The following ADAMTS12 variants were observed in gnomAD, a reference collection of about 807,000 sequenced individuals.
The protein encoded by ADAMTS12 is A disintegrin and metalloproteinase with thrombospondin motifs 12.
In ADAMTS12, 118 loss-of-function variants were observed where a neutral mutation model predicts 167.8. The ratio of observed to expected loss-of-function variants is 0.70; its 90% CI spans 0.61 to 0.82. The LOEUF is 0.82. ADAMTS12 is among the 40% of genes least tolerant of loss of function. ADAMTS12 has a pLI of 0.00. For synonymous variants in ADAMTS12, 704 were observed against 716.9 expected (o/e 0.98, Z 0.29); for missense variants, 1,916 against 1,998.8 (o/e 0.96, Z 0.79).
chr5:33,573,549 A>G (rs1205228630), intron 19 of ADAMTS12, among the ~76,000 whole-genome samples: 1 of 152,236 alleles, frequency 6.6e-6, no homozygotes, highest in Non-Finnish European at 1.5e-5. Flanking sequence ...CCATATGTAG[A>G]AAGCTGAAAC....
At chr5:33,644,273 C>T (rs1408757465) in intron 9 of ADAMTS12, among the ~76,000 whole-genome samples, 2 of 152,170 alleles carry the variant, frequency 1.3e-5, no homozygotes, top group African/African-American at 4.8e-5. Flanking sequence ...TTATTCTGTA[C>T]TTTGTGTTTC....
At position 33,549,348 on chromosome 5, in the gene ADAMTS12, G is replaced by A; in HGVS notation, c.4161C>T (p.Arg1387=). 9.9e-6 allele frequency: 16 copies of A among 1,614,066 alleles called. No individual in the cohort carries two copies. The highest frequency in any genetic ancestry group is 4.5e-5 in the East Asian group (2 of 44,866). ...CCCGGCTGTCCACGCACTGAATCTC[G>A]CGTATCTTGAAGCCCCCACTGCAGT... ...SRNCSGGFKI[R]EIQCVDSRDH... The change falls in exon 21 of 24, where the codon CGC becomes CGT. Residue 1387 remains arginine, a synonymous_variant. Transcript: ENST00000504830.
At chr5:33,807,902 T>C (rs1747302925) in intron 2 of ADAMTS12, among the ~76,000 whole-genome samples, 1 of 152,150 alleles carries the variant, frequency 6.6e-6, no homozygotes, top group Non-Finnish European at 1.5e-5. Context: ...AGCTAGTAAG[T>C]GTGGGCCTCT....
At chr5:33,876,632 A>C (rs900521412) in intron 2 of ADAMTS12, among the ~76,000 whole-genome samples, 1 of 152,186 alleles carries the variant, frequency 6.6e-6, no homozygotes, top group Non-Finnish European at 1.5e-5. Context: ...GAGAACCTCT[A>C]AGTCTCATAC....
chr5:33,712,629 G>C (rs1273446435), intron 3 of ADAMTS12, among the ~76,000 whole-genome samples: 1 of 144,070 alleles, frequency 6.9e-6, no homozygotes, highest in Non-Finnish European at 1.5e-5. Context: ...CAAGGTAAAA[G>C]ATAGAGACAA....
chr5:33,887,214 T>A (rs13358296), intron 1 of ADAMTS12, among the ~76,000 whole-genome samples: 17,354 of 152,200 alleles, frequency 0.11, 1,949 homozygotes, highest in African/African-American at 0.28. Context: ...GGTCAAGTAC[T>A]ACATTAAGAG....
chr5:33,560,330 C>G (rs146305191), intron 20 of ADAMTS12, among the ~76,000 whole-genome samples: 5,129 of 152,216 alleles, frequency 0.034, 150 homozygotes, highest in East Asian at 0.08. Flanking sequence ...GGTGGGACTG[C>G]AAACTAGTTC....
chr5:33,729,274 A>AT (rs1744091865), intron 3 of ADAMTS12, among the ~76,000 whole-genome samples: 1 of 152,250 alleles, frequency 6.6e-6, no homozygotes, highest in African/African-American at 2.4e-5. Context: ...AACATAAAGG[A>AT]TAAGCTTTTA....
At position 33,576,721 on chromosome 5, in the gene ADAMTS12, C is replaced by G; in HGVS notation, c.3305G>C (p.Ser1102Thr). The change falls in exon 19 of 24, where the codon AGT (serine) becomes ACT (threonine). Residue 1102 changes from serine to threonine, a missense_variant. Transcript: ENST00000504830. The part of the protein sequence containing the change: ...LTSQSLSIQP[S>T]EENVSSSDTG... ...ATCTGAACTGGAAACATTTTCCTCA[C>G]TTGGCTGAATGCTCAAGGATTGGGA... is the stretch of plus-strand genomic sequence containing the variant. 1 of 1,614,198 alleles carries G rather than the reference C, an allele frequency of 6.2e-7. No individual in the cohort carries two copies. The highest frequency in any genetic ancestry group is 1.1e-5 in the South Asian group (1 of 91,084).
intron 16 of ADAMTS12, among the ~76,000 whole-genome samples, chr5:33,608,018 A>C (rs1738531621): frequency 6.6e-6 from 1 of 152,254 alleles, no homozygotes; most frequent in African/African-American, 2.4e-5. Context: ...CAAATTGGAT[A>C]AATGCCAGTG....
At chr5:33,558,705 G>A (rs1352774961) in intron 20 of ADAMTS12, among the ~76,000 whole-genome samples, 1 of 152,202 alleles carries the variant, frequency 6.6e-6, no homozygotes, top group Non-Finnish European at 1.5e-5. Context: ...CATGAGTCAT[G>A]TAATTTCCAA....
intron 1 of ADAMTS12, among the ~76,000 whole-genome samples, chr5:33,889,343 T>C (rs1171853984): frequency 6.6e-6 from 1 of 152,128 alleles, no homozygotes; most frequent in Non-Finnish European, 1.5e-5. Context: ...CTGAAGTAAT[T>C]TGCAAGTTTA....
At chr5:33,684,150 T>A (rs1234907317) in intron 3 of ADAMTS12, 95 bp from the exon 4 acceptor site, 5 of 940,300 alleles carry the variant, frequency 5.3e-6, no homozygotes, top group Non-Finnish European at 5.6e-6. Flanking sequence ...AAGTTTAATT[T>A]ACATTTAATA....
intron 5 of ADAMTS12, among the ~76,000 whole-genome samples, chr5:33,669,563 T>G (rs189072483): frequency 6.6e-6 from 1 of 152,176 alleles, no homozygotes; most frequent in African/African-American, 2.4e-5. Flanking sequence ...CACTCTATAA[T>G]GTAGTAGATC....
intron 22 of ADAMTS12, among the ~76,000 whole-genome samples, chr5:33,545,013 A>G (rs1378340702): frequency 1.3e-5 from 2 of 152,244 alleles, no homozygotes; most frequent in Middle Eastern, 3.2e-3. Context: ...GACAAATGGG[A>G]TCTAATTAAA....
chr5:33,828,295 ATATT>A (rs1361233039), intron 2 of ADAMTS12, among the ~76,000 whole-genome samples: 1 of 152,124 alleles, frequency 6.6e-6, no homozygotes, highest in Non-Finnish European at 1.5e-5. Context: ...ATCACTTCAT[ATATT>A]TATTAAGCAA....
intron 2 of ADAMTS12, among the ~76,000 whole-genome samples, chr5:33,813,368 AC>A (rs1248057885): frequency 6.6e-6 from 1 of 152,190 alleles, no homozygotes; most frequent in Admixed American, 6.5e-5. Context: ...AATTTGAATA[AC>A]CTTTTTTTGC....
chr5:33,774,582 G>C (rs1284553734), intron 2 of ADAMTS12, among the ~76,000 whole-genome samples: 1 of 152,170 alleles, frequency 6.6e-6, no homozygotes, highest in African/African-American at 2.4e-5. Context: ...GACCTTTGAT[G>C]AGAGTCCAGA....
At chr5:33,626,375 T>A (rs1189201359) in intron 13 of ADAMTS12, among the ~76,000 whole-genome samples, 11 of 139,084 alleles carry the variant, frequency 7.9e-5, no homozygotes, top group Non-Finnish European at 1.5e-4. Context: ...GTGGTGGTGA[T>A]GGGGGTGATG....
Sources: gnomAD v4.1 joint callset for allele counts (sites outside exome capture counted in the v4.1 genomes callset) on GRCh38, gnomAD v4.1.1 for gene constraint, MANE v1.5 for transcripts, NCBI Gene and HGNC (gene_info 2026-07-23, HGNC 2026-07-21) for gene names.